Variants in NREP observed in about 807,000 individuals in gnomAD.
NREP encodes neuronal regeneration related protein, also known as neuronal regeneration-related protein.
NREP carries 5 observed loss-of-function variants against 8.6 expected under a neutral mutation model. That is an observed-to-expected ratio of 0.58 (90% CI 0.30 to 1.22). The LOEUF (loss-of-function observed/expected upper bound fraction) is 1.22. Ranked by LOEUF, NREP falls within the 50% of genes most tolerant of loss-of-function variation. NREP has a pLI of 0.07. For missense variants in NREP, 86 were observed against 82.5 expected (o/e 1.04, Z -0.17); for synonymous variants, 27 against 28.0 (o/e 0.96, Z 0.11).
intron 2 of NREP, among the ~76,000 whole-genome samples, chr5:111,766,273 T>C (rs1751081180): frequency 6.6e-6 from 1 of 152,196 alleles, no homozygotes; most frequent in East Asian, 1.9e-4. Context: ...ACTCTGTGAC[T>C]GGGAAAACCT....
rs757240531 is a variant in NREP, at chr5:111,734,774, T to C, written c.81+656A>G. ...AATCAGCAAGTCATTGGTTAAAAAG[T>C]ATACTCTCCCCGCTTGAAGTCAAAC... is the stretch of plus-strand genomic sequence containing the variant. On this transcript the variant is annotated intron_variant, in intron 3 of 3. Coordinates refer to ENST00000257435, the MANE Select transcript of NREP (RefSeq NM_004772.4). The C allele has an allele frequency of 8.6e-6, 6 of 696,464 alleles. No homozygotes were observed. In the South Asian group the frequency reaches 9.0e-5, roughly 10 times the overall value. 43.1% of individuals were successfully genotyped at this position (696,464 alleles called of 1,614,324 possible).
At chr5:111,756,296 TAAAAA>T in intron 1 of NREP, 4 of 237,956 alleles carry the variant, frequency 1.7e-5, no homozygotes, top group Non-Finnish European at 1.5e-5. Flanking sequence ...CTTCCGTGTT[TAAAAA>T]AAAAAAAAAA....
At chr5:111,797,131 T>G (rs115445686) in intron 2 of NREP, among the ~76,000 whole-genome samples, 2 of 151,992 alleles carry the variant, frequency 1.3e-5, no homozygotes, top group Non-Finnish European at 2.9e-5. Flanking sequence ...ACATCACTGG[T>G]AGCAAATACA....
intron 2 of NREP, among the ~76,000 whole-genome samples, chr5:111,876,087 A>C (rs1753901427): frequency 6.6e-6 from 1 of 152,124 alleles, no homozygotes; most frequent in African/African-American, 2.4e-5. Context: ...GGTTTTCAGC[A>C]TGAGCTGTAC....
chr5:111,965,953 G>T (rs778556276), intron 2 of NREP, among the ~76,000 whole-genome samples: 1 of 152,166 alleles, frequency 6.6e-6, no homozygotes. Flanking sequence ...GATAGCACAG[G>T]TTGAAGCCCC....
chr5:111,964,047 C>G (rs1240768888), intron 2 of NREP, among the ~76,000 whole-genome samples: 1 of 152,064 alleles, frequency 6.6e-6, no homozygotes, highest in Non-Finnish European at 1.5e-5. Context: ...ATTGTTAGTC[C>G]CAGGGAAACC....
chr5:111,817,873 A>G (rs925967808), intron 2 of NREP, among the ~76,000 whole-genome samples: 1 of 151,494 alleles, frequency 6.6e-6, no homozygotes. Context: ...CACATATATT[A>G]GAATACAAAA....
At chr5:111,816,108 A>C (rs963774761) in intron 2 of NREP, among the ~76,000 whole-genome samples, 2 of 152,196 alleles carry the variant, frequency 1.3e-5, no homozygotes, top group African/African-American at 2.4e-5. Flanking sequence ...AGAATTCTGT[A>C]ATCAGTAAAA....
intron 2 of NREP, among the ~76,000 whole-genome samples, chr5:111,743,105 GC>G (rs1318365470): frequency 6.6e-6 from 1 of 152,096 alleles, no homozygotes; most frequent in Non-Finnish European, 1.5e-5. Flanking sequence ...CAAGAATAAA[GC>G]TTGGATACAA....
intron 2 of NREP, among the ~76,000 whole-genome samples, chr5:111,873,437 A>G (rs2112500085): frequency 6.6e-6 from 1 of 152,222 alleles, no homozygotes; most frequent in South Asian, 2.1e-4. Flanking sequence ...AGGATACTCC[A>G]TTTTCTGCTC....
At position 111,871,252 on chromosome 5, in the gene NREP, A is replaced by G. The variant is rs368108852; in HGVS notation, c.135+104022T>C. On this transcript the variant is annotated intron_variant, in intron 2 of 3. Coordinates refer to the NREP transcript ENST00000395634. ...CTCTCCTAGGCTACAAACCTGTACA[A>G]CGTGTTACTGCACTGAATTCTGTAG... Among the ~76,000 whole-genome samples the G allele has an allele frequency of 6.2e-4, 95 of 152,316 alleles. 2 individuals carry two copies. Among genetic ancestry groups the G allele is most frequent in the African/African-American group, 2.3e-3 (94 of 41,580 alleles).
At chr5:111,838,279 A>C (rs578164442) in intron 2 of NREP, among the ~76,000 whole-genome samples, 1 of 152,254 alleles carries the variant, frequency 6.6e-6, no homozygotes, top group Admixed American at 6.5e-5. Context: ...GTTTAGACTA[A>C]GTACATTTCA....
chr5:111,889,701 G>T (rs150464443), intron 2 of NREP, among the ~76,000 whole-genome samples: 7 of 152,126 alleles, frequency 4.6e-5, no homozygotes, highest in African/African-American at 7.2e-5. Flanking sequence ...ACATGCGTCC[G>T]TGTGAAGAGA....
chr5:111,799,045 G>A (rs1454485924), intron 2 of NREP, among the ~76,000 whole-genome samples: 1 of 152,138 alleles, frequency 6.6e-6, no homozygotes, highest in Non-Finnish European at 1.5e-5. Flanking sequence ...CCCACCAACA[G>A]GGTAAAAGTG....
chr5:111,778,109 A>T (rs1213486033), intron 2 of NREP, among the ~76,000 whole-genome samples: 1 of 152,160 alleles, frequency 6.6e-6, no homozygotes, highest in African/African-American at 2.4e-5. Context: ...TTTAATGCAT[A>T]CACACAGGCA....
intron 2 of NREP, among the ~76,000 whole-genome samples, chr5:111,781,034 G>GT (rs1170502599): frequency 6.6e-6 from 1 of 152,054 alleles, no homozygotes; most frequent in Non-Finnish European, 1.5e-5. Flanking sequence ...AAGTTCAAGG[G>GT]TTTTTTATAT....
chr5:111,859,962 G>A (rs528375070), intron 2 of NREP, among the ~76,000 whole-genome samples: 23 of 152,078 alleles, frequency 1.5e-4, no homozygotes, highest in Non-Finnish European at 3.4e-4. Context: ...TCAGACTTCA[G>A]GTCTGTGGGC....
upstream of NREP, among the ~76,000 whole-genome samples, chr5:111,761,633 C>T (rs1750961973): frequency 4.6e-5 from 7 of 152,316 alleles, 1 homozygote; most frequent in South Asian, 1.4e-3. Context: ...TCGCAGGATA[C>T]ATTGTTGATC....
At position 111,961,265 on chromosome 5, in the gene NREP, A is replaced by G. The variant is rs768862324; in HGVS notation, c.135+14009T>C. On this transcript the variant is annotated intron_variant, in intron 2 of 3. Transcript: ENST00000395634. ...AGCGGGACAGAAACTGAGCCCACTC[A>G]AGATGAGTACACCTTACCCACTCAG... Among the ~76,000 whole-genome samples the G allele has an allele frequency of 3.9e-5, 6 of 152,232 alleles. No individual in the cohort carries two copies. The South Asian group carries it at 6.2e-4, about 16-fold the overall frequency.
Sources: gnomAD v4.1 joint callset for allele counts (sites outside exome capture counted in the v4.1 genomes callset) on GRCh38, gnomAD v4.1.1 for gene constraint, MANE v1.5 for transcripts, NCBI Gene and HGNC (gene_info 2026-07-23, HGNC 2026-07-21) for gene names.